The following ACMSD variants were observed in gnomAD, a reference collection of about 807,000 sequenced individuals.
The protein encoded by ACMSD is 2-amino-3-carboxymuconate-6-semialdehyde decarboxylase.
A neutral mutation model predicts 45.9 loss-of-function variants in ACMSD; 37 were observed. The observed-to-expected ratio is 0.81, with a 90% confidence interval of 0.62 to 1.06. The LOEUF (loss-of-function observed/expected upper bound fraction) is 1.06. Ranked by LOEUF, ACMSD falls within the 50% of genes least tolerant of loss-of-function variation. The pLI is 0.00. For missense variants in ACMSD, 434 were observed against 420.9 expected (o/e 1.03, Z -0.27); for synonymous variants, 138 against 148.8 (o/e 0.93, Z 0.53).
chr2:134,896,260 T>C (rs1172232762), intron 8 of ACMSD, among the ~76,000 whole-genome samples: 1 of 152,196 alleles, frequency 6.6e-6, no homozygotes, highest in Non-Finnish European at 1.5e-5. Context: ...TTCTTTGCTA[T>C]GGCACCAAAA....
At chr2:134,894,331 A>T (rs906224343) in intron 8 of ACMSD, among the ~76,000 whole-genome samples, 1 of 152,132 alleles carries the variant, frequency 6.6e-6, no homozygotes, top group Non-Finnish European at 1.5e-5. Context: ...AAGAATTATA[A>T]GTAAAAATTT....
At chr2:134,895,479 A>T (rs1163983284) in intron 8 of ACMSD, among the ~76,000 whole-genome samples, 1 of 151,348 alleles carries the variant, frequency 6.6e-6, no homozygotes, top group Admixed American at 6.6e-5. Context: ...CCCCAAATTG[A>T]TCTACAGATC....
chr2:134,853,619 A>T (rs1254484915), intron 2 of ACMSD, among the ~76,000 whole-genome samples: 7 of 152,180 alleles, frequency 4.6e-5, no homozygotes, highest in African/African-American at 7.2e-5. Context: ...TGACAGACAC[A>T]TCCACAGCCT....
At chr2:134,855,896 G>C (rs1231929796) in intron 2 of ACMSD, among the ~76,000 whole-genome samples, 1 of 152,160 alleles carries the variant, frequency 6.6e-6, no homozygotes, top group Non-Finnish European at 1.5e-5. Context: ...GCCAAGAGGA[G>C]GAGGAGGAGA....
intron 2 of ACMSD, among the ~76,000 whole-genome samples, chr2:134,851,375 G>T (rs920740799): frequency 6.6e-6 from 1 of 152,082 alleles, no homozygotes; most frequent in African/African-American, 2.4e-5. Context: ...AGTTCTTTGA[G>T]AAATCTCTGA....
At chr2:134,841,009 G>C (rs1241547671) in intron 1 of ACMSD, among the ~76,000 whole-genome samples, 1 of 152,128 alleles carries the variant, frequency 6.6e-6, no homozygotes, top group African/African-American at 2.4e-5. Flanking sequence ...GAGAACATAT[G>C]ATGTTTGGTT....
chr2:134,843,396 T>C (rs1310000138), intron 1 of ACMSD, among the ~76,000 whole-genome samples: 3 of 152,204 alleles, frequency 2.0e-5, no homozygotes, highest in Non-Finnish European at 2.9e-5. Context: ...ACAGACCTTA[T>C]ACCTGGGTGG....
chr2:134,855,924 G>A (rs532888759), intron 2 of ACMSD, among the ~76,000 whole-genome samples: 1 of 152,276 alleles, frequency 6.6e-6, no homozygotes, highest in South Asian at 2.1e-4. Flanking sequence ...ACTCCACCAA[G>A]CAGAGCTCAA....
At chr2:134,858,866 G>A (rs1687712130) in intron 2 of ACMSD, among the ~76,000 whole-genome samples, 1 of 150,846 alleles carries the variant, frequency 6.6e-6, no homozygotes, top group South Asian at 2.1e-4. Context: ...GGTTGGACTA[G>A]GTGGTCTATC....
At chr2:134,879,671 T>C (rs1688931191) in intron 8 of ACMSD, among the ~76,000 whole-genome samples, 1 of 152,230 alleles carries the variant, frequency 6.6e-6, no homozygotes, top group Non-Finnish European at 1.5e-5. Context: ...TTCTTCTTTC[T>C]TTCCTTCCTT....
intron 7 of ACMSD, among the ~76,000 whole-genome samples, chr2:134,872,165 G>C (rs1302301013): frequency 2.6e-5 from 4 of 152,030 alleles, no homozygotes; most frequent in African/African-American, 7.3e-5. Flanking sequence ...CACTGTGTTA[G>C]CCAGGATGGT....
chr2:134,879,851 T>C (rs531142803), intron 8 of ACMSD, among the ~76,000 whole-genome samples: 5 of 152,302 alleles, frequency 3.3e-5, no homozygotes, highest in African/African-American at 1.2e-4. Flanking sequence ...TGGGACTGAG[T>C]TGCTATTTAA....
chr2:134,882,867 C>G (rs555534073), intron 8 of ACMSD, among the ~76,000 whole-genome samples: 1 of 152,344 alleles, frequency 6.6e-6, no homozygotes, highest in East Asian at 1.9e-4. Flanking sequence ...AAAGTTCATG[C>G]ATCCCAGCAG....
chr2:134,886,246 A>ATTATTATTATTATTATTATTTTTTT, intron 8 of ACMSD, among the ~76,000 whole-genome samples: 53 of 115,444 alleles, frequency 4.6e-4, no homozygotes, highest in Admixed American at 6.7e-4. Context: ...TATTATTATT[A>ATTATTATTATTATTATTATTTTTTT]TTTTTTTTTT....
chr2:134,839,663 T>C (rs769658348), intron 1 of ACMSD, among the ~76,000 whole-genome samples: 3 of 152,250 alleles, frequency 2.0e-5, no homozygotes, highest in Non-Finnish European at 4.4e-5. Context: ...CATTGAAGAA[T>C]GTTTATCTTA....
chr2:134,863,544 G>GA lies in ACMSD; in HGVS notation c.402dup (p.Glu135ArgfsTer79). On this transcript the variant is annotated frameshift_variant, in exon 5 of 10. Transcript: ENST00000356140. LOFTEE classifies it high-confidence loss of function. The stretch of plus-strand genomic sequence containing the variant: ...CGGTCAAGGAGATGGAGCGCTGTGT[G>GA]AAAGAGCTGGGCTTTCCCGGGGTCC... The GA allele has an allele frequency of 6.2e-7, 1 of 1,614,204 alleles. No homozygotes were observed. Among genetic ancestry groups the GA allele is most frequent in the Non-Finnish European group, 8.5e-7 (1 of 1,180,020 alleles).
intron 2 of ACMSD, among the ~76,000 whole-genome samples, chr2:134,846,461 G>A (rs1274012905): frequency 6.6e-6 from 1 of 152,170 alleles, no homozygotes; most frequent in African/African-American, 2.4e-5. Context: ...GGAGTGCAGT[G>A]ATGCAATCAC....
intron 7 of ACMSD, 146 bp from the exon 8 acceptor site, chr2:134,872,319 TTCCA>T (rs1688498330): frequency 3.7e-6 from 3 of 821,048 alleles, no homozygotes; most frequent in Non-Finnish European, 5.6e-6. Context: ...ATGCCATTTC[TTCCA>T]TCATCTCCCA....
At chr2:134,870,262 A>G (rs539120133) in intron 6 of ACMSD, among the ~76,000 whole-genome samples, 1 of 152,340 alleles carries the variant, frequency 6.6e-6, no homozygotes, top group Non-Finnish European at 1.5e-5. Flanking sequence ...AGGAGCACAA[A>G]GCACTTGAAA....
Sources: gnomAD v4.1 joint callset for allele counts (sites outside exome capture counted in the v4.1 genomes callset) on GRCh38, gnomAD v4.1.1 for gene constraint, MANE v1.5 for transcripts, NCBI Gene and HGNC (gene_info 2026-07-23, HGNC 2026-07-21) for gene names.